Variants in NOL4L observed in about 807,000 individuals in gnomAD.
The protein encoded by NOL4L is nucleolar protein 4-like.
NOL4L carries 7 observed loss-of-function variants against 64.5 expected under a neutral mutation model. That is an observed-to-expected ratio of 0.11 (90% CI 0.06 to 0.20). The LOEUF is 0.20. Ranked by LOEUF, NOL4L falls within the 10% of genes least tolerant of loss-of-function variation. NOL4L has a pLI of 1.00. For synonymous variants in NOL4L, 413 were observed against 401.0 expected, an observed-to-expected ratio of 1.03 and a Z score of -0.36; for missense variants, 680 against 967.1, an observed-to-expected ratio of 0.70 and a Z score of 3.94.
In NOL4L at chr20:32,464,566, C is replaced by T. The variant is rs1287618642; in HGVS notation, c.842-8171G>A. ...AGCCCCGGGGCGCCAGTTCCTCTAC[C>T]CCCACAGCATGCGCCTCCTCTGCGT... On this transcript the variant is annotated intron_variant, in intron 5 of 10. Transcript: ENST00000621426. The surrounding 1 kb of genome is among the most constrained non-coding windows in gnomAD (Gnocchi z 5.6). 6.6e-6 allele frequency among the ~76,000 whole-genome samples: 1 copy of T among 152,210 alleles called. No individual in the cohort carries two copies. The highest frequency in any genetic ancestry group is 2.4e-5 in the African/African-American group (1 of 41,454).
At chr20:32,577,996 A>T (rs1444394786) in intron 1 of NOL4L, among the ~76,000 whole-genome samples, 1 of 152,072 alleles carries the variant, frequency 6.6e-6, no homozygotes, top group Non-Finnish European at 1.5e-5. Context: ...TAATTTCCAC[A>T]TCACTCCTAG....
At chr20:32,465,156 A>G (rs2014435927) in intron 5 of NOL4L, 2 of 484,162 alleles carry the variant, frequency 4.1e-6, no homozygotes, top group Non-Finnish European at 7.6e-6. Context: ...GGGGAGGTGG[A>G]CACCAATTAT....
chr20:32,481,967 G>GGA (rs1395080562), intron 4 of NOL4L, among the ~76,000 whole-genome samples: 2 of 150,352 alleles, frequency 1.3e-5, no homozygotes, highest in Non-Finnish European at 1.5e-5. Context: ...GGCGGGGCGG[G>GGA]GGGGGGGGAG....
rs758882256 is a variant in NOL4L at position 32,460,947 on chromosome 20, G to A, written c.842-4552C>T. On this transcript the variant is annotated intron_variant, in intron 5 of 10. Coordinates refer to ENST00000621426, the MANE Select transcript of NOL4L (RefSeq NM_001256798.2). This position sits in a 1 kb window ranked among gnomAD's most constrained non-coding sequence, Gnocchi z 5.7. ...CCTGCTCGCCCTTCTGTGCTAACCC[G>A]AGCACCACCACCTCAGGGAAGCCCT... is the stretch of plus-strand genomic sequence containing the variant. Among the ~76,000 whole-genome samples the A allele has an allele frequency of 1.2e-4, 19 of 152,264 alleles. No homozygotes were observed. Among genetic ancestry groups the A allele is most frequent in the Middle Eastern group, 3.4e-3 (1 of 294 alleles).
chr20:32,583,457 G>C lies in NOL4L; in HGVS notation c.321+1113C>G, dbSNP rs539042575. Among the ~76,000 whole-genome samples, 139 of 149,178 alleles carry C rather than the reference G, an allele frequency of 9.3e-4. 1 individual carries two copies. Among genetic ancestry groups the C allele is most frequent in the East Asian group, 6.0e-4 (3 of 4,970 alleles). On this transcript the variant is annotated intron_variant, in intron 1 of 10. Coordinates refer to ENST00000621426, the MANE Select transcript of NOL4L (RefSeq NM_001256798.2). Reference sequence around the variant, plus strand: ...GGCCGGCCGGGGGAGGAGCGCGGAGGGGGGAGCGGGGGAGCGGGGGAGGGA... The same window carrying C: ...GGCCGGCCGGGGGAGGAGCGCGGAGCGGGGAGCGGGGGAGCGGGGGAGGGA...
chr20:32,548,634 C>T (rs1341449313), intron 1 of NOL4L: 1 of 298,062 alleles, frequency 3.4e-6, no homozygotes, highest in South Asian at 2.7e-5. Flanking sequence ...ACGTTCTAGA[C>T]ATTATTGCCG....
chr20:32,539,880 G>T (rs1477302598), intron 1 of NOL4L, among the ~76,000 whole-genome samples: 1 of 152,134 alleles, frequency 6.6e-6, no homozygotes, highest in East Asian at 1.9e-4. Context: ...ATGGTGTGTT[G>T]GGGGCTCCAC....
intron 1 of NOL4L, among the ~76,000 whole-genome samples, chr20:32,529,345 C>T (rs1316576463): frequency 6.6e-6 from 1 of 152,230 alleles, no homozygotes; most frequent in African/African-American, 2.4e-5. Context: ...TTGCAGTTCA[C>T]CATGTTTCCC....
chr20:32,485,839 C>T (rs897647904), intron 4 of NOL4L: 2 of 456,874 alleles, frequency 4.4e-6, no homozygotes, highest in African/African-American at 4.0e-5. Context: ...CTTCTCCTGG[C>T]CTGAATTACT....
intron 2 of NOL4L, 103 bp downstream of exon 2, chr20:32,527,655 C>A: frequency 7.2e-7 from 1 of 1,380,252 alleles, no homozygotes; most frequent in South Asian, 1.5e-5. Flanking sequence ...TTTCATCACG[C>A]CTCAGCTCCC....
chr20:32,511,557 GAGGAGA>G, intron 3 of NOL4L, 101 bp from the exon 4 acceptor site: 1 of 749,288 alleles, frequency 1.3e-6, no homozygotes, highest in South Asian at 1.8e-5. Flanking sequence ...AGCCACCTTG[GAGGAGA>G]AGGGACAGGT....
At chr20:32,484,170 C>T (rs966845659) in intron 4 of NOL4L, among the ~76,000 whole-genome samples, 1 of 152,118 alleles carries the variant, frequency 6.6e-6, no homozygotes, top group Non-Finnish European at 1.5e-5. Flanking sequence ...CAGCCTTCGA[C>T]CCCCATGCGT....
At chr20:32,503,269 C>T (rs531879758) in intron 4 of NOL4L, among the ~76,000 whole-genome samples, 16 of 152,188 alleles carry the variant, frequency 1.1e-4, no homozygotes, top group Non-Finnish European at 1.8e-4. Context: ...AAAATGTGGT[C>T]GATGGCATTT....
Position 32,453,350 on chromosome 20 carries a change from G to A in NOL4L, c.1451C>T (p.Thr484Met). 1 of 1,614,108 alleles carries A rather than the reference G, an allele frequency of 6.2e-7. No individual in the cohort carries two copies. ...CATGCGACGGCAGGACTTGAGGTAC[G>A]TGCGGATGCGCTTGCGGGCCCGCTC... ...FQERARKRIR[T>M]YLKSCRRMKK... The change falls in exon 8 of 11, where the codon ACG (threonine) becomes ATG (methionine). Residue 484 changes from threonine to methionine, a missense_variant. Transcript: ENST00000621426. The surrounding 1 kb of genome is among the most constrained non-coding windows in gnomAD (Gnocchi z 5.6).
At chr20:32,582,451 G>T (rs1980539889) in intron 1 of NOL4L, among the ~76,000 whole-genome samples, 1 of 152,210 alleles carries the variant, frequency 6.6e-6, no homozygotes, top group African/African-American at 2.4e-5. Context: ...GTTTCTGCAT[G>T]TGGCCTGGAT....
chr20:32,538,084 C>A (rs1276348785), intron 1 of NOL4L, among the ~76,000 whole-genome samples: 1 of 152,196 alleles, frequency 6.6e-6, no homozygotes, highest in East Asian at 1.9e-4. Flanking sequence ...CAGCCCACAA[C>A]CCTCATTTCT....
intron 4 of NOL4L, chr20:32,511,077 G>A (rs899365506): frequency 6.3e-5 from 20 of 315,370 alleles, no homozygotes; most frequent in African/African-American, 3.0e-4. Context: ...TCCCTTCCAC[G>A]TCCCCTCCTC....
intron 4 of NOL4L, among the ~76,000 whole-genome samples, chr20:32,488,963 G>GTTTTT (rs1290660776): frequency 2.5e-5 from 2 of 81,262 alleles, no homozygotes; most frequent in African/African-American, 1.5e-4. Context: ...TGAATTGTTG[G>GTTTTT]TCTTTTTTTT....
rs573646371 is a variant in NOL4L, at chr20:32,461,043, G to A, written c.842-4648C>T. ...GCTCTGCAGAAGCCATCCCAGGGAC[G>A]GTGGGGCGAGGGCTGAAGCCTCATG... On this transcript the variant is annotated intron_variant, in intron 5 of 10. Transcript: ENST00000621426. Among the ~76,000 whole-genome samples, 7 of 152,342 alleles carry A rather than the reference G, an allele frequency of 4.6e-5. No homozygotes were observed. In the East Asian group the frequency reaches 7.7e-4, roughly 17 times the overall value.
Sources: gnomAD v4.1 joint callset for allele counts (sites outside exome capture counted in the v4.1 genomes callset) on GRCh38, gnomAD v4.1.1 for gene constraint, Gnocchi (gnomAD v3.1) non-coding constraint, MANE v1.5 for transcripts, NCBI Gene and HGNC (gene_info 2026-07-23, HGNC 2026-07-21) for gene names.